CNOT4: variants seen among roughly 807,000 people sequenced by gnomAD.
CNOT4 encodes the protein CCR4-NOT transcription complex subunit 4.
A neutral mutation model predicts 73.8 loss-of-function variants in CNOT4; 8 were observed. That is an observed-to-expected ratio of 0.11 (90% confidence interval 0.06 to 0.20). The LOEUF (loss-of-function observed/expected upper bound fraction) is 0.20. Among genes scored for constraint, CNOT4 ranks in the 10% least tolerant of loss-of-function variants. The pLI, the probability that CNOT4 is intolerant of heterozygous loss-of-function variation, is 1.00. For missense variants in CNOT4, 564 were observed against 883.4 expected (o/e 0.64, Z 4.58); for synonymous variants, 293 against 321.1 (o/e 0.91, Z 0.94).
Position 135,414,355 on chromosome 7 carries a change from C to T in CNOT4, c.537G>A (p.Val179=). The stretch of plus-strand genomic sequence containing the variant: ...CCTTAAGTGTTCTGCCATCTACTAC[C>T]ACATTGTTGACACACTGTATGGCTC... ...ALRAIQCVNN[V]VVDGRTLKAS... is the part of the protein sequence containing the mutation. Residue 179 remains valine, a synonymous_variant, in exon 5 of 12, where the codon GTG becomes GTA. Coordinates refer to ENST00000541284, the MANE Select transcript of CNOT4 (RefSeq NM_001190850.2). 6.9e-7 allele frequency: 1 copy of T among 1,457,560 alleles called. No individual in the cohort carries two copies. The highest frequency in any genetic ancestry group is 9.6e-7 in the Non-Finnish European group (1 of 1,042,016). The allele number at this position is 1,457,560 out of a possible 1,614,324, so 90.3% of individuals were successfully genotyped here.
At position 135,371,589 on chromosome 7, in the gene CNOT4, T is replaced by C. The variant is rs77114232; in HGVS notation, c.1628-7523A>G. Among the ~76,000 whole-genome samples, 338 of 152,318 alleles carry C rather than the reference T, an allele frequency of 2.2e-3. 11 individuals carry two copies. In the East Asian group the frequency reaches 0.053, roughly 24 times the overall value. ...ATATAAGTAGATGTGTTTGGCATAATGTATATTATTCTCTTCTAGAATGTT... is the reference window on the plus strand; with the variant it reads ...ATATAAGTAGATGTGTTTGGCATAACGTATATTATTCTCTTCTAGAATGTT... On this transcript the variant is annotated intron_variant, in intron 10 of 11. Coordinates refer to ENST00000541284, the MANE Select transcript of CNOT4 (RefSeq NM_001190850.2).
intron 10 of CNOT4, among the ~76,000 whole-genome samples, chr7:135,372,366 C>T (rs1217746767): frequency 6.6e-6 from 1 of 152,152 alleles, no homozygotes; most frequent in Non-Finnish European, 1.5e-5. Flanking sequence ...GGCATCCTCG[C>T]TATTTTGCAA....
chr7:135,395,971 A>G, intron 8 of CNOT4, 88 bp from the exon 9 acceptor site: 1 of 842,630 alleles, frequency 1.2e-6, no homozygotes, highest in Non-Finnish European at 1.9e-6. Context: ...AATGTATTAG[A>G]ATAGTGTTTC....
chr7:135,463,427 A>C (rs1250116332), intron 1 of CNOT4, among the ~76,000 whole-genome samples: 1 of 150,788 alleles, frequency 6.6e-6, no homozygotes, highest in Non-Finnish European at 1.5e-5. Context: ...AATCTCGGCT[A>C]TTCGGGGGGC....
At chr7:135,483,499 G>T (rs1246089438) in intron 1 of CNOT4, among the ~76,000 whole-genome samples, 2 of 151,930 alleles carry the variant, frequency 1.3e-5, no homozygotes, top group Non-Finnish European at 2.9e-5. Flanking sequence ...ATCATTGACA[G>T]AAGCATTTGA....
rs749767022 is a variant in CNOT4 at position 135,362,807 on chromosome 7, G to C, written c.*78C>G. ...CTTCAGAACATAAGAGATGAGAAGG[G>C]AGCTGTGGGTGGTGGGCTGAGAGGG... On this transcript the variant is annotated 3_prime_UTR_variant, in exon 12 of 12. Transcript: ENST00000541284. 2 of 1,277,138 alleles carry C rather than the reference G, an allele frequency of 1.6e-6. No homozygotes were observed. The highest frequency in any genetic ancestry group is 2.3e-6 in the Non-Finnish European group (2 of 873,044). 79.1% of individuals were successfully genotyped at this position (1,277,138 alleles called of 1,614,324 possible).
At chr7:135,413,653 G>T in intron 5 of CNOT4, 40 bp from the exon 6 acceptor site, 1 of 1,590,212 alleles carries the variant, frequency 6.3e-7, no homozygotes. Flanking sequence ...AAGACTCAAT[G>T]TGAACTGACA....
At chr7:135,482,216 C>G (rs1802425993) in intron 1 of CNOT4, among the ~76,000 whole-genome samples, 1 of 152,082 alleles carries the variant, frequency 6.6e-6, no homozygotes, top group Admixed American at 6.6e-5. Flanking sequence ...TATTATGCAT[C>G]AATCTAAAAA....
intron 1 of CNOT4, among the ~76,000 whole-genome samples, chr7:135,483,711 C>A (rs1218414004): frequency 1.3e-5 from 2 of 151,968 alleles, no homozygotes; most frequent in Non-Finnish European, 2.9e-5. Context: ...GTAGTCCCAA[C>A]CACTCGGGGG....
intron 10 of CNOT4, among the ~76,000 whole-genome samples, chr7:135,380,132 A>C (rs959948614): frequency 6.6e-6 from 1 of 152,156 alleles, no homozygotes; most frequent in East Asian, 1.9e-4. Context: ...GGGAAAAAAA[A>C]AAAAACAAAA....
At chr7:135,482,671 C>A (rs1405976881) in intron 1 of CNOT4, among the ~76,000 whole-genome samples, 5 of 151,558 alleles carry the variant, frequency 3.3e-5, no homozygotes, top group Admixed American at 1.3e-4. Flanking sequence ...AAACTTCAGA[C>A]CAATACCTCT....
chr7:135,446,493 C>T (rs1030462646), intron 1 of CNOT4, among the ~76,000 whole-genome samples: 14 of 152,026 alleles, frequency 9.2e-5, no homozygotes, highest in African/African-American at 3.4e-4. Context: ...TAGTACATAA[C>T]AGTACTTTTA....
intron 1 of CNOT4, among the ~76,000 whole-genome samples, chr7:135,488,499 C>G (rs936410846): frequency 1.3e-5 from 2 of 152,202 alleles, no homozygotes; most frequent in Non-Finnish European, 2.9e-5. Flanking sequence ...AGGCGTGAGC[C>G]ACTGTGCCCA....
intron 1 of CNOT4, among the ~76,000 whole-genome samples, chr7:135,495,492 G>C (rs558459367): frequency 7.8e-6 from 1 of 127,512 alleles, no homozygotes; most frequent in Non-Finnish European, 1.6e-5. Context: ...GAGACAGAGC[G>C]AGACTCTGCC....
intron 10 of CNOT4, among the ~76,000 whole-genome samples, chr7:135,365,492 AG>A (rs1324205679): frequency 8.7e-6 from 1 of 115,498 alleles, no homozygotes; most frequent in African/African-American, 2.9e-5. Flanking sequence ...CAGCCCTGAG[AG>A]GCAGGCAGAC....
chr7:135,508,721 A>G (rs116170597), intron 1 of CNOT4, among the ~76,000 whole-genome samples: 1,709 of 152,332 alleles, frequency 0.011, 36 homozygotes, highest in African/African-American at 0.039. Context: ...AAGCCTCAAT[A>G]CAGAACCCAC....
intron 1 of CNOT4, among the ~76,000 whole-genome samples, chr7:135,497,151 T>C (rs1176436111): frequency 2.0e-5 from 3 of 151,916 alleles, no homozygotes; most frequent in African/African-American, 7.2e-5. Flanking sequence ...CTCACGCCTA[T>C]AATCCCAGCA....
At chr7:135,414,721 G>T (rs1456600034) in intron 4 of CNOT4, among the ~76,000 whole-genome samples, 1 of 151,830 alleles carries the variant, frequency 6.6e-6, no homozygotes, top group Non-Finnish European at 1.5e-5. Context: ...GCTCGTCAAG[G>T]TTATAAAAAA....
At chr7:135,400,027 C>T (rs1471230012) in intron 7 of CNOT4, among the ~76,000 whole-genome samples, 1 of 151,908 alleles carries the variant, frequency 6.6e-6, no homozygotes. Context: ...AGCAAAGCTA[C>T]TACAAGTGGG....
Sources: gnomAD v4.1 joint callset for allele counts (sites outside exome capture counted in the v4.1 genomes callset) on GRCh38, gnomAD v4.1.1 for gene constraint, MANE v1.5 for transcripts, NCBI Gene and HGNC (gene_info 2026-07-23, HGNC 2026-07-21) for gene names.